Variants in ABCA13 observed in about 807,000 individuals in gnomAD.
ABCA13 encodes ATP-binding cassette sub-family A member 13.
In ABCA13, 476 loss-of-function variants were observed where a neutral mutation model predicts 478.7. The observed-to-expected ratio is 0.99, with a 90% CI of 0.92 to 1.07. The LOEUF is 1.07. Ranked by LOEUF, ABCA13 falls within the 50% of genes least tolerant of loss-of-function variation. The pLI, the probability that ABCA13 is intolerant of heterozygous loss-of-function variation, is 0.00. For missense variants in ABCA13, 6,060 were observed against 5,910.6 expected (o/e 1.03, Z -0.83); for synonymous variants, 2,252 against 2,158.9 (o/e 1.04, Z -1.20).
At chr7:48,522,810 G>A (rs1585693317) in intron 53 of ABCA13, among the ~76,000 whole-genome samples, 1 of 152,166 alleles carries the variant, frequency 6.6e-6, no homozygotes, top group Non-Finnish European at 1.5e-5. Context: ...TGTTCATAAA[G>A]CTTCCCAGGT....
intron 11 of ABCA13, among the ~76,000 whole-genome samples, chr7:48,245,072 C>T (rs1368929603): frequency 6.6e-6 from 1 of 152,170 alleles, no homozygotes; most frequent in Non-Finnish European, 1.5e-5. Context: ...TATTCTGTTC[C>T]TTCTACTGCC....
intron 42 of ABCA13, among the ~76,000 whole-genome samples, chr7:48,437,021 T>C (rs915190804): frequency 6.6e-6 from 1 of 152,006 alleles, no homozygotes; most frequent in Non-Finnish European, 1.5e-5. Context: ...GATCTGTTTA[T>C]GTCATTTACG....
chr7:48,366,627 G>A (rs1811712839), intron 31 of ABCA13, among the ~76,000 whole-genome samples: 1 of 151,946 alleles, frequency 6.6e-6, no homozygotes, highest in Admixed American at 6.6e-5. Context: ...AGGGGAAGAG[G>A]GTGTGCGCTC....
intron 44 of ABCA13, among the ~76,000 whole-genome samples, chr7:48,468,680 C>T (rs1486360431): frequency 1.3e-5 from 2 of 152,134 alleles, no homozygotes; most frequent in Non-Finnish European, 2.9e-5. Flanking sequence ...CTACATTTTA[C>T]CTCCTTGGAA....
intron 20 of ABCA13, among the ~76,000 whole-genome samples, chr7:48,290,696 G>A (rs1052085291): frequency 5.3e-5 from 8 of 152,070 alleles, no homozygotes; most frequent in African/African-American, 1.7e-4. Flanking sequence ...TTACAAACTA[G>A]AGGTTCTTTG....
intron 42 of ABCA13, among the ~76,000 whole-genome samples, chr7:48,447,433 A>C (rs1008384725): frequency 2.6e-5 from 4 of 152,182 alleles, no homozygotes; most frequent in Admixed American, 2.0e-4. Context: ...AGCTGCATTT[A>C]TCTCTCTTTG....
intron 50 of ABCA13, among the ~76,000 whole-genome samples, chr7:48,508,840 A>G (rs767513296): frequency 6.6e-6 from 1 of 152,246 alleles, no homozygotes; most frequent in East Asian, 1.9e-4. Flanking sequence ...GCATATTAAC[A>G]TGTTGCTTTC....
chr7:48,413,990 T>C (rs1001267197), intron 41 of ABCA13, among the ~76,000 whole-genome samples: 2 of 152,134 alleles, frequency 1.3e-5, no homozygotes, highest in Admixed American at 1.3e-4. Context: ...GCCCATACCT[T>C]TGTGGTTGAT....
chr7:48,483,012 C>T (rs1483069697), intron 46 of ABCA13, 64 bp from the exon 47 acceptor site: 1 of 1,356,648 alleles, frequency 7.4e-7, no homozygotes, highest in Non-Finnish European at 1.0e-6. Context: ...GTAATGAATA[C>T]CCTCTGATTA....
At chr7:48,257,763 G>A (rs578037847) in intron 15 of ABCA13, among the ~76,000 whole-genome samples, 1 of 151,682 alleles carries the variant, frequency 6.6e-6, no homozygotes. Context: ...TGAAATTTTT[G>A]TTGTTGTTGT....
intron 42 of ABCA13, among the ~76,000 whole-genome samples, chr7:48,452,910 C>G (rs1020546179): frequency 6.6e-6 from 1 of 152,090 alleles, no homozygotes; most frequent in African/African-American, 2.4e-5. Flanking sequence ...AAATACTTAT[C>G]CTAATAAATA....
intron 7 of ABCA13, among the ~76,000 whole-genome samples, chr7:48,230,434 C>G (rs1311260516): frequency 6.6e-6 from 1 of 152,164 alleles, no homozygotes; most frequent in African/African-American, 2.4e-5. Context: ...TTTTCTTGAT[C>G]CAGGATATTA....
At chr7:48,590,886 T>C (rs1460707552) in intron 57 of ABCA13, among the ~76,000 whole-genome samples, 3 of 152,116 alleles carry the variant, frequency 2.0e-5, no homozygotes, top group Non-Finnish European at 4.4e-5. Context: ...CCTTATTGGA[T>C]ATATGGTTGC....
At chr7:48,437,806 G>A (rs2129157182) in intron 42 of ABCA13, among the ~76,000 whole-genome samples, 1 of 152,120 alleles carries the variant, frequency 6.6e-6, no homozygotes, top group Middle Eastern at 3.4e-3. Flanking sequence ...AACGGCTTAT[G>A]GTCTTCATAG....
intron 23 of ABCA13, 27 bp downstream of exon 23, chr7:48,298,514 T>C (rs1443498526): frequency 6.2e-7 from 1 of 1,602,490 alleles, no homozygotes; most frequent in East Asian, 2.2e-5. Flanking sequence ...TGTCTGTCTG[T>C]TTTGCTCATG....
intron 3 of ABCA13, among the ~76,000 whole-genome samples, chr7:48,198,957 C>A (rs761566422): frequency 9.2e-5 from 14 of 152,066 alleles, no homozygotes; most frequent in African/African-American, 1.5e-4. Flanking sequence ...TGAGAAGAGA[C>A]AAAGTGAGGG....
At chr7:48,479,748 T>C (rs1828565880) in intron 45 of ABCA13, among the ~76,000 whole-genome samples, 1 of 152,236 alleles carries the variant, frequency 6.6e-6, no homozygotes, top group Non-Finnish European at 1.5e-5. Context: ...AATTATTATG[T>C]ACAACAATTA....
Position 48,576,667 on chromosome 7 carries a change from G to A in ABCA13, c.14355-3557G>A, listed in dbSNP as rs375988949. Among the ~76,000 whole-genome samples, 14 of 151,990 alleles carry A rather than the reference G, an allele frequency of 9.2e-5. No individual in the cohort carries two copies. In the South Asian group the frequency reaches 2.9e-3, roughly 32 times the overall value. ...AGTGGTGCTCCTGTGTAATAACCAG[G>A]GACTAAGAGAACTACAAGCCTCAGA... On this transcript the variant is annotated intron_variant, in intron 55 of 61. Transcript: ENST00000435803.
chr7:48,386,882 T>C (rs1011652808), intron 35 of ABCA13, among the ~76,000 whole-genome samples: 1 of 152,118 alleles, frequency 6.6e-6, no homozygotes, highest in Non-Finnish European at 1.5e-5. Flanking sequence ...AAAAATTGAC[T>C]AATGGGATCT....
Sources: allele counts gnomAD v4.1 joint callset (sites outside exome capture counted in the v4.1 genomes callset), GRCh38; gene constraint gnomAD v4.1.1; transcripts MANE v1.5; gene names NCBI Gene and HGNC (gene_info 2026-07-23, HGNC 2026-07-21).